Variants in COL13A1 observed in about 807,000 individuals in gnomAD.
COL13A1 encodes collagen type XIII alpha 1 chain, also known as collagen alpha-1(XIII) chain.
Under a neutral mutation model 130.9 loss-of-function variants are expected in COL13A1, and 89 were observed. The observed-to-expected ratio is 0.68, with a 90% CI of 0.57 to 0.81. COL13A1 has a LOEUF of 0.81. COL13A1 is among the 30% of genes least tolerant of loss of function. The pLI is 0.00. For synonymous variants in COL13A1, 402 were observed against 341.6 expected, an observed-to-expected ratio of 1.18 and a Z score of -1.95; for missense variants, 879 against 934.6, an observed-to-expected ratio of 0.94 and a Z score of 0.78.
chr10:69,954,406 C>T (rs1348653371), intron 39 of COL13A1, among the ~76,000 whole-genome samples: 1 of 152,244 alleles, frequency 6.6e-6, no homozygotes, highest in Non-Finnish European at 1.5e-5. Context: ...AGTGGATTCT[C>T]TGGACTGGTT....
At chr10:69,815,793 G>A (rs1234526396) in intron 1 of COL13A1, among the ~76,000 whole-genome samples, 2 of 152,022 alleles carry the variant, frequency 1.3e-5, no homozygotes, top group East Asian at 3.9e-4. Context: ...CCTGTTTTAG[G>A]CGCAGTGAAT....
intron 6 of COL13A1, among the ~76,000 whole-genome samples, chr10:69,878,833 G>A (rs2059867058): frequency 6.6e-6 from 1 of 152,236 alleles, no homozygotes; most frequent in Non-Finnish European, 1.5e-5. Flanking sequence ...CTCATCTGAT[G>A]CCCAAGGAAG....
intron 1 of COL13A1, among the ~76,000 whole-genome samples, chr10:69,820,844 G>A (rs1405124226): frequency 6.6e-6 from 1 of 152,104 alleles, no homozygotes; most frequent in African/African-American, 2.4e-5. Flanking sequence ...GGAGGCGTGA[G>A]TTCACACCTC....
chr10:69,947,058 G>A (rs934327954), intron 37 of COL13A1, among the ~76,000 whole-genome samples: 1 of 152,198 alleles, frequency 6.6e-6, no homozygotes, highest in African/African-American at 2.4e-5. Flanking sequence ...AAAGTGCTGG[G>A]ATTACAGGCG....
chr10:69,890,359 AACAG>A (rs1691153591), intron 10 of COL13A1, among the ~76,000 whole-genome samples: 5 of 152,170 alleles, frequency 3.3e-5, no homozygotes, highest in African/African-American at 2.4e-5. Flanking sequence ...AAAACAAACA[AACAG>A]ACAGACAAAC....
At chr10:69,818,353 C>T (rs991701154) in intron 1 of COL13A1, among the ~76,000 whole-genome samples, 1 of 152,192 alleles carries the variant, frequency 6.6e-6, no homozygotes, top group Admixed American at 6.5e-5. Flanking sequence ...CTGGAGTGCC[C>T]TTTATACCAC....
Position 69,936,771 on chromosome 10 carries a change from C to G in COL13A1, c.1786C>G (p.Pro596Ala), listed in dbSNP as rs2066980779. ...PPGPPGLQGVPGPKGEAGLDG... is the reference protein window; with the variant it reads ...PPGPPGLQGVAGPKGEAGLDG... ...CCAAATGCAGGGGCTCCAAGGTGTT[C>G]CTGGACCAAAGGTAAGGAGAAGTCA... The change falls in exon 33 of 41, where the codon CCT becomes GCT. Residue 596 changes from proline to alanine, a missense_variant. Pro to Ala is a conservative substitution (Grantham distance 27). This residue lies in a region of COL13A1 where 96 missense variants were observed against 147.7 expected (regional missense o/e 0.65). Transcript: ENST00000645393. The G allele has an allele frequency of 6.2e-7, 1 of 1,613,840 alleles. No individual in the cohort carries two copies. The highest frequency in any genetic ancestry group is 1.7e-5 in the Admixed American group (1 of 59,994).
At chr10:69,913,073 C>T (rs574332515) in intron 17 of COL13A1, among the ~76,000 whole-genome samples, 1 of 152,344 alleles carries the variant, frequency 6.6e-6, no homozygotes, top group Non-Finnish European at 1.5e-5. Context: ...AAACGCCTCT[C>T]TACCCACTTG....
chr10:69,844,576 A>G lies in COL13A1; in HGVS notation c.364+22138A>G, dbSNP rs75000675. On this transcript the variant is annotated intron_variant, in intron 2 of 40. Transcript: ENST00000645393. ...TTGTAAGGATTAAAAGAGTTAATAC[A>G]GTGGCATGTTTAGAACAGTAGCAAG... is the stretch of plus-strand genomic sequence containing the variant. 5.9e-5 allele frequency among the ~76,000 whole-genome samples: 9 copies of G among 152,344 alleles called. No individual in the cohort carries two copies. In the East Asian group the frequency reaches 1.7e-3, roughly 29 times the overall value.
intron 26 of COL13A1, among the ~76,000 whole-genome samples, chr10:69,926,291 C>T (rs1045782627): frequency 2.0e-5 from 3 of 152,256 alleles, no homozygotes; most frequent in African/African-American, 7.2e-5. Context: ...AACCCTGTTT[C>T]AAGTTCATGA....
At chr10:69,857,397 G>T (rs190129510) in intron 2 of COL13A1, among the ~76,000 whole-genome samples, 3 of 152,174 alleles carry the variant, frequency 2.0e-5, no homozygotes, top group African/African-American at 7.2e-5. Context: ...GGGCAACAGC[G>T]TGATTAAGGG....
intron 3 of COL13A1, among the ~76,000 whole-genome samples, chr10:69,870,541 G>A (rs1205402905): frequency 6.7e-6 from 1 of 149,226 alleles, no homozygotes; most frequent in African/African-American, 2.5e-5. Context: ...GGCTGGTCAT[G>A]AACTCCTGAC....
At chr10:69,832,679 C>G (rs1252015141) in intron 2 of COL13A1, among the ~76,000 whole-genome samples, 1 of 152,144 alleles carries the variant, frequency 6.6e-6, no homozygotes, top group Non-Finnish European at 1.5e-5. Flanking sequence ...CCATTGATTC[C>G]TTGGAGGAGA....
chr10:69,833,447 G>C (rs890848329), intron 2 of COL13A1, among the ~76,000 whole-genome samples: 2 of 152,298 alleles, frequency 1.3e-5, no homozygotes, highest in African/African-American at 4.8e-5. Context: ...GTCCACCTGC[G>C]GGTAGAGGGC....
At chr10:69,818,492 T>C (rs974356349) in intron 1 of COL13A1, among the ~76,000 whole-genome samples, 5 of 152,212 alleles carry the variant, frequency 3.3e-5, no homozygotes, top group Admixed American at 6.5e-5. Context: ...CAATAGGCTG[T>C]ATATAGATGC....
At chr10:69,939,081 A>G (rs953826548) in intron 34 of COL13A1, among the ~76,000 whole-genome samples, 1 of 152,198 alleles carries the variant, frequency 6.6e-6, no homozygotes, top group Non-Finnish European at 1.5e-5. Flanking sequence ...TAATTTTCTC[A>G]CTTTTGATAG....
At chr10:69,902,715 C>T in intron 14 of COL13A1, 33 bp from the exon 15 acceptor site, 1 of 1,527,780 alleles carries the variant, frequency 6.5e-7, no homozygotes, top group Non-Finnish European at 8.8e-7. Context: ...CTCTGGGGGC[C>T]TTCCCTCTAA....
Position 69,902,860 on chromosome 10 carries a change from G to T in COL13A1, c.858+5G>T. On this transcript the variant is annotated splice_donor_5th_base_variant and intron_variant, in intron 15 of 40. Coordinates refer to ENST00000645393, the MANE Select transcript of COL13A1 (RefSeq NM_001368882.1). ...CCAGGGCCTATGGGGCCACCTGTAA[G>T]TATTCCCTTCCTCTCTCCTTCAAGA... 6.6e-7 allele frequency: 1 copy of T among 1,518,914 alleles called. No individual in the cohort carries two copies. The highest frequency in any genetic ancestry group is 8.9e-7 in the Non-Finnish European group (1 of 1,128,294). 94.1% of individuals were successfully genotyped at this position (1,518,914 alleles called of 1,614,324 possible). A position where few individuals can be genotyped will look rare whatever the true frequency, so the allele number is the denominator to read the frequency against.
chr10:69,921,394 T>C (rs1456874131), intron 21 of COL13A1, among the ~76,000 whole-genome samples: 2 of 152,178 alleles, frequency 1.3e-5, no homozygotes, highest in Admixed American at 6.5e-5. Context: ...AATGACCCTA[T>C]GTCCAAATAA....
Sources: allele counts gnomAD v4.1 joint callset (sites outside exome capture counted in the v4.1 genomes callset), GRCh38; gene constraint gnomAD v4.1.1; regional missense constraint gnomAD v4.1.1; transcripts MANE v1.5; gene names NCBI Gene and HGNC (gene_info 2026-07-23, HGNC 2026-07-21).